Variants in C10orf88 observed in about 807,000 individuals in gnomAD.
The protein encoded by C10orf88 is chromosome 10 open reading frame 88, also known as ATPase PAAT.
In C10orf88, 29 loss-of-function variants were observed where a neutral mutation model predicts 34.2. The ratio of observed to expected loss-of-function variants is 0.85; its 90% confidence interval spans 0.63 to 1.16. C10orf88 has a LOEUF of 1.16. Ranked by LOEUF, C10orf88 falls within the 50% of genes most tolerant of loss-of-function variation. C10orf88 has a pLI of 0.00. For synonymous variants in C10orf88, 194 were observed against 197.4 expected, an observed-to-expected ratio of 0.98 and a Z score of 0.15; for missense variants, 507 against 533.2, an observed-to-expected ratio of 0.95 and a Z score of 0.48.
intron 4 of C10orf88, among the ~76,000 whole-genome samples, chr10:122,946,208 C>A (rs992995762): frequency 2.6e-5 from 4 of 152,118 alleles, no homozygotes; most frequent in Admixed American, 2.6e-4. Context: ...ATAAAGTCTA[C>A]AGTAGTGTAC....
intron 1 of C10orf88, 48 bp from the exon 2 acceptor site, chr10:122,953,080 A>G (rs1468989882): frequency 1.4e-6 from 2 of 1,448,904 alleles, no homozygotes; most frequent in Non-Finnish European, 1.9e-6. Context: ...TTCTCTGAAC[A>G]TGACTCTTCT....
intron 4 of C10orf88, among the ~76,000 whole-genome samples, chr10:122,945,887 T>C (rs78192931): frequency 0.01 from 1,574 of 152,088 alleles, 26 homozygotes; most frequent in African/African-American, 0.036. Flanking sequence ...CCTGAGAACC[T>C]GGAGTTCGAG....
At chr10:122,942,630 G>T (rs375304490) in intron 4 of C10orf88, among the ~76,000 whole-genome samples, 31 of 149,010 alleles carry the variant, frequency 2.1e-4, no homozygotes, top group Admixed American at 2.1e-3. Flanking sequence ...AAACCCCATC[G>T]TCTCAGCCCA....
rs1379017137 is a variant in C10orf88 at position 122,954,000 on chromosome 10, G to A, written c.164+15C>T. 2.0e-6 allele frequency: 3 copies of A among 1,508,576 alleles called. No individual in the cohort carries two copies. Among genetic ancestry groups the A allele is most frequent in the East Asian group, 2.7e-5 (1 of 37,492 alleles). The allele number at this position is 1,508,576 out of a possible 1,614,324, so 93.4% of individuals were successfully genotyped here. On this transcript the variant is annotated intron_variant, in intron 1 of 5. Coordinates refer to ENST00000481909, the MANE Select transcript of C10orf88 (RefSeq NM_024942.4). ...TGCCGAGCATAGCGACCCCGTCCCCGTCGGCCCGGCGCACCCTGGAGCAGG... is the reference window on the plus strand; with the variant it reads ...TGCCGAGCATAGCGACCCCGTCCCCATCGGCCCGGCGCACCCTGGAGCAGG...
chr10:122,949,951 G>A (rs1261462469), intron 3 of C10orf88, among the ~76,000 whole-genome samples: 5 of 152,136 alleles, frequency 3.3e-5, no homozygotes, highest in African/African-American at 4.8e-5. Flanking sequence ...ACTTGTTAAA[G>A]GACACTCAAT....
intron 5 of C10orf88, 70 bp from the exon 6 acceptor site, chr10:122,932,731 C>G (rs1848496227): frequency 9.5e-7 from 1 of 1,055,464 alleles, no homozygotes; most frequent in Non-Finnish European, 1.4e-6. Flanking sequence ...ATAAAACAAG[C>G]AGCCAACATA....
intron 2 of C10orf88, 94 bp downstream of exon 2, chr10:122,952,735 G>A (rs1176442507): frequency 3.5e-6 from 5 of 1,435,088 alleles, no homozygotes; most frequent in Non-Finnish European, 4.8e-6. Context: ...ATAACATATG[G>A]TATCAATATC....
chr10:122,943,355 C>T (rs1164475418), intron 4 of C10orf88, among the ~76,000 whole-genome samples: 16 of 150,272 alleles, frequency 1.1e-4, no homozygotes, highest in African/African-American at 3.9e-4. Context: ...CTTCCTTACA[C>T]CTTATACAAA....
At chr10:122,948,994 C>A in intron 3 of C10orf88, 139 bp from the exon 4 acceptor site, 2 of 734,230 alleles carry the variant, frequency 2.7e-6, no homozygotes. Flanking sequence ...AAACTTTTCT[C>A]TAGAACAGCA....
intron 4 of C10orf88, among the ~76,000 whole-genome samples, chr10:122,944,142 T>C (rs1289875048): frequency 4.0e-5 from 6 of 151,704 alleles, no homozygotes; most frequent in African/African-American, 7.3e-5. Flanking sequence ...CCAACAATGA[T>C]AGACTGGATT....
In C10orf88 at chr10:122,953,093, T is replaced by C. The variant is rs969298864; in HGVS notation, c.165-61A>G. 5.9e-6 allele frequency: 8 copies of C among 1,366,328 alleles called. No individual in the cohort carries two copies. The African/African-American group carries it at 1.2e-4, about 20-fold the overall frequency. The allele number at this position is 1,366,328 out of a possible 1,614,324, so 84.6% of individuals were successfully genotyped here. A position where few individuals can be genotyped will look rare whatever the true frequency, so the allele number is the denominator to read the frequency against. Reference sequence around the variant, plus strand: ...AGTTCTCTGAACATGACTCTTCTTTTTTGAGACGGAGTCTGGCTCTGTCGC... The same window carrying C: ...AGTTCTCTGAACATGACTCTTCTTTCTTGAGACGGAGTCTGGCTCTGTCGC... On this transcript the variant is annotated intron_variant, in intron 1 of 5. Transcript: ENST00000481909.
intron 5 of C10orf88, among the ~76,000 whole-genome samples, chr10:122,935,855 A>T (rs918345143): frequency 6.6e-6 from 1 of 151,372 alleles, no homozygotes; most frequent in Admixed American, 6.6e-5. Flanking sequence ...AGGTTTATAA[A>T]TTTTTTCATA....
intron 1 of C10orf88, among the ~76,000 whole-genome samples, chr10:122,953,785 T>A (rs1486118029): frequency 1.3e-5 from 2 of 151,748 alleles, no homozygotes; most frequent in Non-Finnish European, 2.9e-5. Flanking sequence ...AAATTCCGAG[T>A]CCGGGTCACC....
At chr10:122,949,964 G>A (rs1011576647) in intron 3 of C10orf88, among the ~76,000 whole-genome samples, 1 of 151,978 alleles carries the variant, frequency 6.6e-6, no homozygotes, top group African/African-American at 2.4e-5. Context: ...CACTCAATTA[G>A]TAAAGAACCA....
rs749881635 is a variant in C10orf88, at chr10:122,948,833, T to G, written c.464A>C (p.Gln155Pro). The G allele has an allele frequency of 5.0e-6, 8 of 1,612,844 alleles. No individual in the cohort carries two copies. Among genetic ancestry groups the G allele is most frequent in the South Asian group, 1.1e-5 (1 of 91,016 alleles). ...KIKLLSFGER[Q>P]CVFISKVVVH... Reference sequence around the variant, plus strand: ...CACAACTTTACTGATGAACACACACTGCCTTTCGCCAAAGGAGAGCAACTA... The same window carrying G: ...CACAACTTTACTGATGAACACACACGGCCTTTCGCCAAAGGAGAGCAACTA... Residue 155 changes from glutamine (Q) to proline (P), a missense_variant, in exon 4 of 6, where the codon CAG becomes CCG. Physicochemically the swap from Gln to Pro is moderately conservative, Grantham distance 76. Coordinates refer to ENST00000481909, the MANE Select transcript of C10orf88 (RefSeq NM_024942.4).
At chr10:122,932,773 C>G (rs568044952) in intron 5 of C10orf88, 112 bp from the exon 6 acceptor site, 3 of 736,468 alleles carry the variant, frequency 4.1e-6, no homozygotes, top group Middle Eastern at 3.9e-4. Flanking sequence ...CAACTGTGCT[C>G]TGTCTTCTTA....
At chr10:122,934,883 T>C (rs1223220977) in intron 5 of C10orf88, among the ~76,000 whole-genome samples, 2 of 152,164 alleles carry the variant, frequency 1.3e-5, no homozygotes, top group African/African-American at 4.8e-5. Context: ...GTGGTTTTAA[T>C]ATGCATTTCC....
At chr10:122,941,853 T>C (rs543757842) in intron 4 of C10orf88, among the ~76,000 whole-genome samples, 11 of 152,150 alleles carry the variant, frequency 7.2e-5, no homozygotes, top group African/African-American at 2.4e-4. Flanking sequence ...CAGTAACCCA[T>C]GAGTGTTGGC....
chr10:122,945,453 C>T (rs1052695866), intron 4 of C10orf88, among the ~76,000 whole-genome samples: 1 of 152,034 alleles, frequency 6.6e-6, no homozygotes, highest in African/African-American at 2.4e-5. Flanking sequence ...TCAGGCAGGT[C>T]CTTCAGGAGG....
Sources: allele counts gnomAD v4.1 joint callset (sites outside exome capture counted in the v4.1 genomes callset), GRCh38; gene constraint gnomAD v4.1.1; transcripts MANE v1.5; gene names NCBI Gene and HGNC (gene_info 2026-07-23, HGNC 2026-07-21).